The following ASH1L variants were observed in gnomAD, a reference collection of about 807,000 sequenced individuals.
The protein encoded by ASH1L is histone-lysine N-methyltransferase ASH1L.
A neutral mutation model predicts 269.0 loss-of-function variants in ASH1L; 23 were observed. That is an observed-to-expected ratio of 0.09 (90% CI 0.06 to 0.12). The LOEUF is 0.12. Among genes scored for constraint, ASH1L ranks in the 10% least tolerant of loss-of-function variants. The pLI is 1.00. For synonymous variants in ASH1L, 1,187 were observed against 1,253.5 expected, an observed-to-expected ratio of 0.95 and a Z score of 1.12; for missense variants, 2,912 against 3,567.8, an observed-to-expected ratio of 0.82 and a Z score of 4.68.
rs748586061 is a variant in ASH1L at position 155,478,431 on chromosome 1, T to C, written c.4439A>G (p.Glu1480Gly). The C allele has an allele frequency of 4.3e-6, 7 of 1,614,064 alleles. No individual in the cohort carries two copies. Among genetic ancestry groups the C allele is most frequent in the Non-Finnish European group, 3.4e-6 (4 of 1,180,004 alleles). Residue 1480 changes from glutamate (E) to glycine (G), a missense_variant, in exon 3 of 28, where the codon GAG (glutamate) becomes GGG (glycine). Physicochemically the swap from Glu to Gly is moderately conservative, Grantham distance 98. Around this residue, in one of 13 missense-constraint regions of ASH1L, gnomAD observed 789 missense variants for 897.6 expected, o/e 0.88. Transcript: ENST00000392403. This position sits in a 1 kb window ranked among gnomAD's most constrained non-coding sequence, Gnocchi z 4.6. Reference protein sequence around the residue: ...PPEMAYGWMVEHKHRHRHKHR... With the variant: ...PPEMAYGWMVGHKHRHRHKHR... ...TTTGTGACGGTGCCTGTGTTTGTGC[T>C]CAACCATCCAACCATAGGCCATCTC...
chr1:155,418,759 C>T (rs529702547), intron 5 of ASH1L, among the ~76,000 whole-genome samples: 57 of 152,080 alleles, frequency 3.7e-4, no homozygotes, highest in Non-Finnish European at 7.4e-4. Flanking sequence ...TTAAAAACTA[C>T]TGATGAAGAA....
chr1:155,446,758 A>G (rs2148644106), intron 4 of ASH1L, among the ~76,000 whole-genome samples: 1 of 151,322 alleles, frequency 6.6e-6, no homozygotes, highest in South Asian at 2.1e-4. Context: ...AGCAGCTGGG[A>G]CTTCAGGCGC....
At position 155,425,130 on chromosome 1, in the gene ASH1L, C is replaced by T. The variant is rs561867679; in HGVS notation, c.5829-9207G>A. ...GATTAAAGGCATGCACAACCATGCC[C>T]GGCTAATTTTTGTATTTTTAGTAGA... On this transcript the variant is annotated intron_variant, in intron 5 of 27. Coordinates refer to ENST00000392403, the MANE Select transcript of ASH1L (RefSeq NM_018489.3). 8.2e-4 allele frequency among the ~76,000 whole-genome samples: 124 copies of T among 151,828 alleles called. 1 individual carries two copies. The highest frequency in any genetic ancestry group is 2.7e-3 in the African/African-American group (111 of 41,400).
rs115208256 is a variant in ASH1L, at chr1:155,435,694, T to C, written c.5828+2633A>G. Among the ~76,000 whole-genome samples the C allele has an allele frequency of 3.3e-3, 499 of 150,084 alleles. 2 individuals are homozygous for C. Among genetic ancestry groups the C allele is most frequent in the African/African-American group, 0.012 (480 of 40,940 alleles). On this transcript the variant is annotated intron_variant, in intron 5 of 27. Coordinates refer to ENST00000392403, the MANE Select transcript of ASH1L (RefSeq NM_018489.3). ...AGATGATAGAGAATATGAGTAAGAG[T>C]GAACATGCCACATTAAGAAAAGCCA...
At chr1:155,354,332 A>G in intron 16 of ASH1L, 141 bp downstream of exon 16, 1 of 677,356 alleles carries the variant, frequency 1.5e-6, no homozygotes, top group East Asian at 2.9e-5. Flanking sequence ...AATCCCAGCT[A>G]CTCAGGAGGC....
At chr1:155,444,670 C>T (rs1662862478) in intron 4 of ASH1L, among the ~76,000 whole-genome samples, 1 of 151,978 alleles carries the variant, frequency 6.6e-6, no homozygotes, top group South Asian at 2.1e-4. Flanking sequence ...GGCCGGAGTA[C>T]AGTGGTGCAA....
intron 1 of ASH1L, among the ~76,000 whole-genome samples, chr1:155,555,692 C>A (rs1030946700): frequency 3.3e-5 from 5 of 152,094 alleles, no homozygotes; most frequent in Non-Finnish European, 4.4e-5. Flanking sequence ...ATGCAAACAT[C>A]GAAAAGCAAT....
At chr1:155,404,376 G>C (rs1391898778) in intron 6 of ASH1L, among the ~76,000 whole-genome samples, 3 of 151,934 alleles carry the variant, frequency 2.0e-5, no homozygotes, top group Non-Finnish European at 4.4e-5. Context: ...AAATCCAGAA[G>C]CAATTTAAAA....
intron 2 of ASH1L, among the ~76,000 whole-genome samples, chr1:155,512,465 T>TC (rs1330994343): frequency 6.8e-6 from 1 of 147,558 alleles, no homozygotes; most frequent in Non-Finnish European, 1.5e-5. Flanking sequence ...TTTTTTTTTT[T>TC]TTTTGAGATG....
intron 4 of ASH1L, among the ~76,000 whole-genome samples, chr1:155,446,594 T>C (rs952817635): frequency 1.3e-5 from 2 of 151,108 alleles, no homozygotes; most frequent in African/African-American, 4.8e-5. Context: ...CCACCATGCC[T>C]GGCTACATTT....
At chr1:155,382,293 T>C (rs1368427819) in intron 7 of ASH1L, among the ~76,000 whole-genome samples, 4 of 151,046 alleles carry the variant, frequency 2.6e-5, no homozygotes, top group Non-Finnish European at 5.9e-5. Flanking sequence ...GGTCAGGAGA[T>C]CAAGACCATC....
At chr1:155,501,119 G>C (rs1558170936) in intron 2 of ASH1L, among the ~76,000 whole-genome samples, 3 of 152,132 alleles carry the variant, frequency 2.0e-5, no homozygotes. Context: ...GGTTCATATG[G>C]TACCACCTAT....
chr1:155,377,154 G>A (rs999308380), intron 10 of ASH1L, among the ~76,000 whole-genome samples: 1 of 152,002 alleles, frequency 6.6e-6, no homozygotes, highest in African/African-American at 2.4e-5. Context: ...TGACCTGCCT[G>A]CCTCAGCCTC....
At chr1:155,441,656 C>T (rs1198546539) in intron 4 of ASH1L, among the ~76,000 whole-genome samples, 5 of 150,680 alleles carry the variant, frequency 3.3e-5, no homozygotes, top group South Asian at 2.1e-4. Flanking sequence ...TTAGTAGAGA[C>T]GGGGTTTCAC....
rs200263737 is a variant in ASH1L, at chr1:155,479,774, T to C, written c.3096A>G (p.Lys1032=). 11 of 1,614,174 alleles carry C rather than the reference T, an allele frequency of 6.8e-6. No homozygotes were observed. The highest frequency in any genetic ancestry group is 9.3e-6 in the Non-Finnish European group (11 of 1,179,998). ...VSSLAATFGS[K]LGQQINVSKK... is the part of the protein sequence containing the mutation. ...TGCTGACATTTATCTGTTGGCCCAA[T>C]TTAGAGCCAAATGTGGCAGCAAGAC... Residue 1032 remains lysine (K), a synonymous_variant, in exon 3 of 28, where the codon AAA becomes AAG. Coordinates refer to ENST00000392403, the MANE Select transcript of ASH1L (RefSeq NM_018489.3).
rs1672051727 is a variant in ASH1L at position 155,562,337 on chromosome 1, T to C, written c.-284A>G. On this transcript the variant is annotated 5_prime_UTR_variant, in exon 1 of 28. Transcript: ENST00000392403. ...AGAGGAGAAGGGAAAGGTGGAAGGCTAAAGGGGGCAAACTGAGGGGAGGCG... is the reference window on the plus strand; with the variant it reads ...AGAGGAGAAGGGAAAGGTGGAAGGCCAAAGGGGGCAAACTGAGGGGAGGCG... 6.4e-7 allele frequency: 1 copy of C among 1,560,272 alleles called. No individual in the cohort carries two copies. The highest frequency in any genetic ancestry group is 1.8e-5 in the Admixed American group (1 of 55,868).
intron 2 of ASH1L, among the ~76,000 whole-genome samples, chr1:155,499,999 A>T (rs1165383463): frequency 6.6e-6 from 1 of 152,230 alleles, no homozygotes; most frequent in Non-Finnish European, 1.5e-5. Context: ...CTGATTAGGG[A>T]AGTTCCTACT....
intron 3 of ASH1L, among the ~76,000 whole-genome samples, chr1:155,477,277 C>CT (rs888608238): frequency 2.6e-5 from 4 of 151,890 alleles, no homozygotes; most frequent in Admixed American, 1.3e-4. Context: ...TTCCAGATTT[C>CT]TTTTTTTTCT....
At position 155,510,755 on chromosome 1, in the gene ASH1L, AT is replaced by A. The variant is rs571325148; in HGVS notation, c.420+10344del. Among the ~76,000 whole-genome samples the A allele has an allele frequency of 6.6e-3, 973 of 146,816 alleles. 5 individuals are homozygous for A. Among genetic ancestry groups the A allele is most frequent in the African/African-American group, 0.023 (909 of 40,342 alleles). On this transcript the variant is annotated intron_variant, in intron 2 of 27. Coordinates refer to ENST00000392403, the MANE Select transcript of ASH1L (RefSeq NM_018489.3). ...CAAGCGAAGATGAACCTGAAAACAC[AT>A]TTTTTTTTTTGGAGACAGGATCTCG... is the stretch of plus-strand genomic sequence containing the variant.
Sources: gnomAD v4.1 joint callset for allele counts (sites outside exome capture counted in the v4.1 genomes callset) on GRCh38, gnomAD v4.1.1 for gene constraint, gnomAD v4.1.1 regional missense constraint, Gnocchi (gnomAD v3.1) non-coding constraint, MANE v1.5 for transcripts, NCBI Gene and HGNC (gene_info 2026-07-23, HGNC 2026-07-21) for gene names.